The following TSG101 variants were observed in gnomAD, a reference collection of about 807,000 sequenced individuals.
TSG101 encodes tumor susceptibility gene 101 protein.
TSG101 carries 19 observed loss-of-function variants against 48.5 expected under a neutral mutation model. The observed-to-expected ratio is 0.39, with a 90% CI of 0.27 to 0.58. TSG101 has a LOEUF of 0.58. Ranked by LOEUF, TSG101 falls within the 20% of genes least tolerant of loss-of-function variation. The probability of loss-of-function intolerance (pLI) is 0.55; values close to 1 mark genes in which losing one functional copy is unlikely to be tolerated. For synonymous variants in TSG101, 174 were observed against 169.4 expected, an observed-to-expected ratio of 1.03 and a Z score of -0.21; for missense variants, 365 against 484.4, an observed-to-expected ratio of 0.75 and a Z score of 2.31.
intron 6 of TSG101, among the ~76,000 whole-genome samples, chr11:18,505,719 A>G (rs1184051999): frequency 6.6e-6 from 1 of 152,242 alleles, no homozygotes. Flanking sequence ...TTGATAGTAC[A>G]GGTAGTCTAT....
Position 18,526,940 on chromosome 11 carries a change from T to C in TSG101, c.-124A>G, listed in dbSNP as rs1850389193. 2.0e-6 allele frequency: 2 copies of C among 1,025,452 alleles called. No homozygotes were observed. The highest frequency in any genetic ancestry group is 1.5e-5 in the South Asian group (1 of 67,540). The allele number at this position is 1,025,452 out of a possible 1,614,324, so 63.5% of individuals were successfully genotyped here. On this transcript the variant is annotated 5_prime_UTR_variant, in exon 1 of 10. Transcript: ENST00000251968. ...TCAAACAACAGGAAGTCGGCACCAC[T>C]ACACCACTTCCGCTTCCACTACGTC...
chr11:18,505,935 A>G (rs552380424), intron 6 of TSG101, among the ~76,000 whole-genome samples: 102 of 152,148 alleles, frequency 6.7e-4, no homozygotes, highest in Middle Eastern at 3.4e-3. Context: ...CTCCTACCTC[A>G]GCCTCCCAAA....
intron 7 of TSG101, among the ~76,000 whole-genome samples, chr11:18,499,649 A>C (rs1383904781): frequency 6.6e-6 from 1 of 150,584 alleles, no homozygotes; most frequent in African/African-American, 2.4e-5. Context: ...CTGACCTCGC[A>C]ATCTGCCCGC....
At chr11:18,520,812 C>T (rs2133933466) in intron 1 of TSG101, among the ~76,000 whole-genome samples, 1 of 152,174 alleles carries the variant, frequency 6.6e-6, no homozygotes, top group South Asian at 2.1e-4. Flanking sequence ...GCAGGCGGAT[C>T]ACGAGGTCAG....
intron 7 of TSG101, among the ~76,000 whole-genome samples, chr11:18,500,004 C>T (rs1441840059): frequency 6.6e-6 from 1 of 152,142 alleles, no homozygotes; most frequent in Non-Finnish European, 1.5e-5. Flanking sequence ...AGCCCTATCC[C>T]ACCCACACAC....
Position 18,517,618 on chromosome 11 carries a change from T to C in TSG101, c.128-1454A>G, listed in dbSNP as rs146791462. Among the ~76,000 whole-genome samples, 93 of 152,332 alleles carry C rather than the reference T, an allele frequency of 6.1e-4. No homozygotes were observed. In the East Asian group the frequency reaches 0.018, roughly 29 times the overall value. On this transcript the variant is annotated intron_variant, in intron 2 of 9. Coordinates refer to ENST00000251968, the MANE Select transcript of TSG101 (RefSeq NM_006292.4). Reference sequence around the variant, plus strand: ...TCTACGGTTAGATACATAAATACCATTGTGTTACAACTGCCTATGGTATGC... The same window carrying C: ...TCTACGGTTAGATACATAAATACCACTGTGTTACAACTGCCTATGGTATGC...
chr11:18,504,354 T>C (rs987887104), intron 6 of TSG101, among the ~76,000 whole-genome samples: 1 of 152,174 alleles, frequency 6.6e-6, no homozygotes, highest in Non-Finnish European at 1.5e-5. Context: ...AACTAAGTTT[T>C]ATATATGACT....
intron 4 of TSG101, among the ~76,000 whole-genome samples, chr11:18,512,519 G>A (rs1850101591): frequency 6.6e-6 from 1 of 152,054 alleles, no homozygotes. Flanking sequence ...TTGTGGGGGT[G>A]GAGTGGAGGG....
chr11:18,512,438 CTCTATTT>C (rs1465107011), intron 4 of TSG101, among the ~76,000 whole-genome samples: 5 of 152,068 alleles, frequency 3.3e-5, no homozygotes, highest in Admixed American at 1.3e-4. Context: ...CCATCTTGTC[CTCTATTT>C]TCTTGAATGC....
intron 4 of TSG101, among the ~76,000 whole-genome samples, chr11:18,510,005 A>C (rs1590283586): frequency 6.6e-6 from 1 of 152,332 alleles, no homozygotes; most frequent in Admixed American, 6.5e-5. Flanking sequence ...GTACAAATTT[A>C]GGGATGAATA....
chr11:18,486,381 C>T (rs1237821523), intron 7 of TSG101, among the ~76,000 whole-genome samples: 2 of 152,234 alleles, frequency 1.3e-5, no homozygotes, highest in African/African-American at 4.8e-5. Flanking sequence ...GAAGAAAATC[C>T]TGCATCATCA....
chr11:18,526,408 G>A (rs1186246011), intron 1 of TSG101, among the ~76,000 whole-genome samples: 2 of 152,076 alleles, frequency 1.3e-5, no homozygotes, highest in South Asian at 4.2e-4. Context: ...GTAGAGGATT[G>A]CCTCAGATCT....
At chr11:18,521,150 C>G (rs1850266510) in intron 1 of TSG101, among the ~76,000 whole-genome samples, 1 of 151,912 alleles carries the variant, frequency 6.6e-6, no homozygotes, top group African/African-American at 2.4e-5. Context: ...TCTGTGATAT[C>G]AGCAACCACT....
chr11:18,488,665 T>C (rs1849655859), intron 7 of TSG101, among the ~76,000 whole-genome samples: 1 of 152,176 alleles, frequency 6.6e-6, no homozygotes, highest in South Asian at 2.1e-4. Context: ...AAAGCCAGGC[T>C]TGCTCACCAA....
At position 18,510,162 on chromosome 11, in the gene TSG101, T is replaced by A. The variant is rs193042712; in HGVS notation, c.358-497A>T. 1.4e-3 allele frequency among the ~76,000 whole-genome samples: 213 copies of A among 152,350 alleles called. 1 individual carries two copies. The highest frequency in any genetic ancestry group is 4.7e-3 in the African/African-American group (194 of 41,584). On this transcript the variant is annotated intron_variant, in intron 4 of 9. Coordinates refer to ENST00000251968, the MANE Select transcript of TSG101 (RefSeq NM_006292.4). ...CTAGCCAAGTGAGGTGGTTCACACC[T>A]GTAATCCCAGCACTTTGGGAGGCCA...
At chr11:18,501,370 T>C (rs1333230313) in intron 7 of TSG101, among the ~76,000 whole-genome samples, 1 of 152,198 alleles carries the variant, frequency 6.6e-6, no homozygotes, top group Non-Finnish European at 1.5e-5. Context: ...TTATGAACAA[T>C]GTCTTTTTCC....
intron 9 of TSG101, chr11:18,481,205 G>T: frequency 1.2e-6 from 1 of 849,258 alleles, no homozygotes; most frequent in Non-Finnish European, 1.4e-6. Flanking sequence ...GCTTGAAAGG[G>T]CAGCCTGATA....
At chr11:18,509,691 C>T (rs1453568630) in intron 4 of TSG101, 26 bp from the exon 5 acceptor site, 1 of 1,568,852 alleles carries the variant, frequency 6.4e-7, no homozygotes, top group Non-Finnish European at 8.7e-7. Context: ...AAATTCAAGT[C>T]AGCTACAGAG....
rs777570600 is a variant in TSG101 at position 18,526,859 on chromosome 11, G to A, written c.-43C>T. 5.0e-6 allele frequency: 8 copies of A among 1,587,168 alleles called. No homozygotes were observed. The highest frequency in any genetic ancestry group is 6.0e-6 in the Non-Finnish European group (7 of 1,173,418). The stretch of plus-strand genomic sequence containing the variant: ...TCCCTTCCCCGCAGGCAGAGGGTCA[G>A]CCGCTGCTGGGCTGCCCCAGACCGT... On this transcript the variant is annotated 5_prime_UTR_variant, in exon 1 of 10. Transcript: ENST00000251968.
Sources: gnomAD v4.1 joint callset for allele counts (sites outside exome capture counted in the v4.1 genomes callset) on GRCh38, gnomAD v4.1.1 for gene constraint, MANE v1.5 for transcripts, NCBI Gene and HGNC (gene_info 2026-07-23, HGNC 2026-07-21) for gene names.